Variants in LTN1 observed in about 807,000 individuals in gnomAD.
The protein encoded by LTN1 is listerin E3 ubiquitin protein ligase 1, also known as E3 ubiquitin-protein ligase listerin.
Under a neutral mutation model 201.2 loss-of-function variants are expected in LTN1, and 88 were observed. That is an observed-to-expected ratio of 0.44 (90% CI 0.37 to 0.52). The LOEUF (loss-of-function observed/expected upper bound fraction) is 0.52. LTN1 is among the 20% of genes least tolerant of loss of function. The pLI, the probability that LTN1 is intolerant of heterozygous loss-of-function variation, is 0.00. For synonymous variants in LTN1, 645 were observed against 713.5 expected, an observed-to-expected ratio of 0.90 and a Z score of 1.53; for missense variants, 1,752 against 2,038.7, an observed-to-expected ratio of 0.86 and a Z score of 2.71.
chr21:28,986,199 GTCTC>G lies in LTN1; in HGVS notation c.281_284del (p.Arg94ThrfsTer5). On this transcript the variant is annotated frameshift_variant, in exon 3 of 30. Transcript: ENST00000361371. LOFTEE classifies it high-confidence loss of function. The surrounding 1 kb of genome is among the most constrained non-coding windows in gnomAD (Gnocchi z 4.1). Reference sequence around the variant, plus strand: ...GAAGAACTCCTTTCACAGTTTCTGTGTCTCTCTCTGTACACATGGTTCCAAATTC... The same window carrying G: ...GAAGAACTCCTTTCACAGTTTCTGTGTCTCTGTACACATGGTTCCAAATTC... 6.2e-7 allele frequency: 1 copy of G among 1,613,336 alleles called. No individual in the cohort carries two copies. Among genetic ancestry groups the G allele is most frequent in the Non-Finnish European group, 8.5e-7 (1 of 1,179,408 alleles).
rs1386150091 is a variant in LTN1, at chr21:28,932,455, T to C, written c.5070+15A>G. On this transcript the variant is annotated intron_variant, in intron 28 of 29. Coordinates refer to ENST00000361371, the MANE Select transcript of LTN1 (RefSeq NM_015565.3). ...TTCCAAGTTTGTAAAGCCAAATGTG[T>C]AAACAGAAACTTACCTGATGGGTGA... is the stretch of plus-strand genomic sequence containing the variant. 1.9e-6 allele frequency: 3 copies of C among 1,607,646 alleles called. No individual in the cohort carries two copies. The African/African-American group carries it at 4.0e-5, about 22-fold the overall frequency.
intron 11 of LTN1, among the ~76,000 whole-genome samples, chr21:28,963,900 G>C (rs919231022): frequency 1.3e-5 from 2 of 152,182 alleles, no homozygotes; most frequent in Admixed American, 1.3e-4. Context: ...AGTGTAGGAA[G>C]CAACTGCAGA....
intron 17 of LTN1, among the ~76,000 whole-genome samples, chr21:28,952,804 C>T (rs1209626145): frequency 6.6e-6 from 1 of 152,224 alleles, no homozygotes; most frequent in African/African-American, 2.4e-5. Flanking sequence ...ACTACAACCT[C>T]TACAAGGACT....
Position 28,941,209 on chromosome 21 carries a change from T to C in LTN1, c.4482+11A>G. 6.3e-7 allele frequency: 1 copy of C among 1,598,430 alleles called. No homozygotes were observed. Among genetic ancestry groups the C allele is most frequent in the Non-Finnish European group, 8.6e-7 (1 of 1,168,716 alleles). ...GACAGAACTATCGAAAGTTGTCACATATTTATTTACCTGTGATGATGCAGC... is the reference window on the plus strand; with the variant it reads ...GACAGAACTATCGAAAGTTGTCACACATTTATTTACCTGTGATGATGCAGC... On this transcript the variant is annotated intron_variant, in intron 25 of 29. Transcript: ENST00000361371.
Position 28,986,826 on chromosome 21 carries a change from T to A in LTN1, c.151A>T (p.Ile51Phe). 6.2e-7 allele frequency: 1 copy of A among 1,613,728 alleles called. No homozygotes were observed. The highest frequency in any genetic ancestry group is 8.5e-7 in the Non-Finnish European group (1 of 1,179,608). The change falls in exon 2 of 30, where the codon ATT (isoleucine) becomes TTT (phenylalanine). Residue 51 changes from isoleucine (I) to phenylalanine (F), a missense_variant. Physicochemically the swap from Ile to Phe is conservative, Grantham distance 21 (BLOSUM62 0). Transcript: ENST00000361371. This position sits in a 1 kb window ranked among gnomAD's most constrained non-coding sequence, Gnocchi z 4.1. ...CTGTCAATTTCTTCAGCTCCTTGAA[T>A]AGCAGGAACATAGCCTAGGTCACTC... is the stretch of plus-strand genomic sequence containing the variant. ...SQSDLGYVPA[I>F]QGAEEIDSLV...
rs16983580 is a variant in LTN1, at chr21:28,966,992, G to T, written c.1499C>A (p.Ala500Glu). ...FWERLSEICV[A>E]KISEPEADVE... The stretch of plus-strand genomic sequence containing the variant: ...ATCAGCTTCTGGCTCACTGATTTTC[G>T]CAACACAGATCTCTGACAGTCTTTC... Residue 500 changes from alanine (A) to glutamate (E), a missense_variant, in exon 10 of 30, where the codon GCG becomes GAG. Ala to Glu is a moderately radical substitution (Grantham distance 107). Transcript: ENST00000361371. The T allele has an allele frequency of 6.2e-7, 1 of 1,613,798 alleles. No individual in the cohort carries two copies. Among genetic ancestry groups the T allele is most frequent in the South Asian group, 1.1e-5 (1 of 91,064 alleles).
At chr21:28,932,387 A>C in intron 28 of LTN1, 83 bp downstream of exon 28, 2 of 1,080,112 alleles carry the variant, frequency 1.9e-6, no homozygotes, top group Middle Eastern at 4.0e-4. Context: ...TAAGCAGAAA[A>C]GATATATTTT....
intron 25 of LTN1, 43 bp downstream of exon 25, chr21:28,941,177 A>C (rs2084294307): frequency 7.3e-7 from 1 of 1,369,704 alleles, no homozygotes. Context: ...TATCAGAAGC[A>C]TATTAGGACA....
At chr21:28,963,625 T>C (rs2084497777) in intron 11 of LTN1, among the ~76,000 whole-genome samples, 1 of 152,254 alleles carries the variant, frequency 6.6e-6, no homozygotes, top group Non-Finnish European at 1.5e-5. Flanking sequence ...ACAACATCCA[T>C]TCTGCAGCCC....
intron 6 of LTN1, among the ~76,000 whole-genome samples, chr21:28,979,691 C>T (rs560756171): frequency 1.3e-5 from 2 of 152,200 alleles, no homozygotes; most frequent in East Asian, 1.9e-4. Flanking sequence ...TGTCTTAGGC[C>T]GGGCACGGTG....
chr21:28,969,429 T>C, intron 9 of LTN1, 37 bp downstream of exon 9: 1 of 1,570,426 alleles, frequency 6.4e-7, no homozygotes, highest in Non-Finnish European at 8.6e-7. Context: ...ACATAATCAG[T>C]ATGCAAAGAG....
At chr21:28,962,456 G>C (rs1281490461) in intron 11 of LTN1, among the ~76,000 whole-genome samples, 1 of 152,070 alleles carries the variant, frequency 6.6e-6, no homozygotes, top group African/African-American at 2.4e-5. Flanking sequence ...AGTGACTTTT[G>C]ATGTTACGAT....
intron 6 of LTN1, among the ~76,000 whole-genome samples, chr21:28,975,713 C>T (rs1032393593): frequency 1.1e-4 from 16 of 152,122 alleles, no homozygotes; most frequent in Non-Finnish European, 2.1e-4. Context: ...TAAATTAAAA[C>T]GGCTGACAAT....
chr21:28,992,424 T>C (rs1003376878), intron 1 of LTN1, among the ~76,000 whole-genome samples: 17 of 152,040 alleles, frequency 1.1e-4, no homozygotes, highest in Admixed American at 9.8e-4. Flanking sequence ...CTCCCAACTC[T>C]CCTTCTTCCC....
intron 4 of LTN1, among the ~76,000 whole-genome samples, chr21:28,984,238 T>C (rs943453223): frequency 1.3e-5 from 2 of 151,846 alleles, no homozygotes; most frequent in Non-Finnish European, 2.9e-5. Context: ...TGGAAAAAAA[T>C]CCAAATGTAT....
At chr21:28,989,513 G>A (rs2084728710) in intron 1 of LTN1, among the ~76,000 whole-genome samples, 1 of 149,860 alleles carries the variant, frequency 6.7e-6, no homozygotes, top group South Asian at 2.1e-4. Flanking sequence ...ACTCTTTCAT[G>A]CCTAGCTTCT....
chr21:28,937,079 A>G (rs1037267898), intron 25 of LTN1, among the ~76,000 whole-genome samples: 3 of 152,208 alleles, frequency 2.0e-5, no homozygotes, highest in Non-Finnish European at 2.9e-5. Flanking sequence ...GACAGAGAGC[A>G]CAAACTAGTG....
intron 18 of LTN1, among the ~76,000 whole-genome samples, chr21:28,948,332 C>T (rs890479434): frequency 3.5e-5 from 5 of 143,040 alleles, no homozygotes; most frequent in East Asian, 2.1e-4. Context: ...GTGCAATGCA[C>T]GATCTCAGCT....
chr21:28,978,571 ATATCTT>A (rs2084634779), intron 6 of LTN1, among the ~76,000 whole-genome samples: 1 of 152,198 alleles, frequency 6.6e-6, no homozygotes, highest in African/African-American at 2.4e-5. Context: ...AAATATAAGA[ATATCTT>A]TATGACTTAA....
Sources: allele counts gnomAD v4.1 joint callset (sites outside exome capture counted in the v4.1 genomes callset), GRCh38; gene constraint gnomAD v4.1.1; non-coding constraint Gnocchi (gnomAD v3.1); transcripts MANE v1.5; gene names NCBI Gene and HGNC (gene_info 2026-07-23, HGNC 2026-07-21).